The following PLCB1 variants were observed in gnomAD, a reference collection of about 807,000 sequenced individuals.
PLCB1 encodes 1-phosphatidylinositol 4,5-bisphosphate phosphodiesterase beta-1.
PLCB1 carries 46 observed loss-of-function variants against 161.8 expected under a neutral mutation model. The ratio of observed to expected loss-of-function variants is 0.28; its 90% CI spans 0.22 to 0.36. The LOEUF is 0.36. Among genes scored for constraint, PLCB1 ranks in the 10% least tolerant of loss-of-function variants. The pLI is 1.00. For synonymous variants in PLCB1, 517 were observed against 503.7 expected, an observed-to-expected ratio of 1.03 and a Z score of -0.35; for missense variants, 1,016 against 1,472.5, an observed-to-expected ratio of 0.69 and a Z score of 5.07.
chr20:8,161,592 A>C (rs555363604), intron 2 of PLCB1, among the ~76,000 whole-genome samples: 5 of 152,170 alleles, frequency 3.3e-5, no homozygotes, highest in Admixed American at 6.5e-5. Flanking sequence ...TTTTCCTTGG[A>C]TTTGTTTGAA....
chr20:8,684,244 ATTT>A (rs1990300298), intron 9 of PLCB1, among the ~76,000 whole-genome samples: 1 of 148,364 alleles, frequency 6.7e-6, no homozygotes, highest in African/African-American at 2.5e-5. Context: ...TTATTTATTT[ATTT>A]ATTTATTTAT....
At chr20:8,198,515 C>G (rs6055633) in intron 2 of PLCB1, among the ~76,000 whole-genome samples, 3,864 of 152,198 alleles carry the variant, frequency 0.025, 183 homozygotes, top group African/African-American at 0.088. Context: ...TACCTAGTAT[C>G]TTCTTCTGCT....
chr20:8,803,284 C>T (rs1416145497), intron 31 of PLCB1, among the ~76,000 whole-genome samples: 1 of 151,958 alleles, frequency 6.6e-6, no homozygotes, highest in Non-Finnish European at 1.5e-5. Flanking sequence ...GTTGATGCTG[C>T]CACAGTTCCA....
intron 31 of PLCB1, among the ~76,000 whole-genome samples, chr20:8,864,347 C>T (rs1319678866): frequency 6.6e-6 from 1 of 152,154 alleles, no homozygotes; most frequent in African/African-American, 2.4e-5. Flanking sequence ...ATAATTTTCC[C>T]ATGTATATTG....
intron 31 of PLCB1, among the ~76,000 whole-genome samples, chr20:8,821,832 G>C (rs946465197): frequency 6.6e-6 from 1 of 151,480 alleles, no homozygotes; most frequent in Non-Finnish European, 1.5e-5. Context: ...CTCTCCACCC[G>C]CCCCCTCGCA....
intron 3 of PLCB1, among the ~76,000 whole-genome samples, chr20:8,588,536 A>C (rs1376647579): frequency 6.6e-6 from 1 of 152,176 alleles, no homozygotes; most frequent in Non-Finnish European, 1.5e-5. Context: ...GCAGGACCCT[A>C]ATCCAATGAG....
chr20:8,440,035 A>G (rs1320968771), intron 3 of PLCB1, among the ~76,000 whole-genome samples: 2 of 152,196 alleles, frequency 1.3e-5, no homozygotes, highest in Non-Finnish European at 2.9e-5. Context: ...GGCTTCAAAG[A>G]ATGTTAAACA....
intron 2 of PLCB1, among the ~76,000 whole-genome samples, chr20:8,232,327 G>A (rs1980097132): frequency 6.6e-6 from 1 of 152,054 alleles, no homozygotes; most frequent in South Asian, 2.1e-4. Flanking sequence ...GCCATCATTA[G>A]CATCTTAAGA....
intron 3 of PLCB1, among the ~76,000 whole-genome samples, chr20:8,444,281 C>T (rs1183345142): frequency 6.6e-6 from 1 of 150,730 alleles, no homozygotes; most frequent in Non-Finnish European, 1.5e-5. Context: ...TGAGTGAGAA[C>T]ATGCAGTGTT....
intron 2 of PLCB1, among the ~76,000 whole-genome samples, chr20:8,194,286 A>G (rs1476258939): frequency 6.6e-6 from 1 of 152,034 alleles, no homozygotes; most frequent in African/African-American, 2.4e-5. Flanking sequence ...CTTTGGGTTG[A>G]TATAATTATG....
At chr20:8,296,824 T>A (rs1432209751) in intron 2 of PLCB1, among the ~76,000 whole-genome samples, 1 of 152,174 alleles carries the variant, frequency 6.6e-6, no homozygotes, top group African/African-American at 2.4e-5. Flanking sequence ...AAATGTACAA[T>A]GCTTTTCCAT....
intron 4 of PLCB1, among the ~76,000 whole-genome samples, chr20:8,638,442 A>G (rs1988836404): frequency 2.0e-5 from 3 of 152,222 alleles, no homozygotes; most frequent in Middle Eastern, 3.4e-3. Context: ...AGCCTCCTCA[A>G]TCAGAGCAGG....
At chr20:8,875,514 T>C (rs1368244823) in intron 31 of PLCB1, among the ~76,000 whole-genome samples, 1 of 147,688 alleles carries the variant, frequency 6.8e-6, no homozygotes, top group Non-Finnish European at 1.5e-5. Context: ...AATATTTTTA[T>C]ATATAAATAT....
intron 7 of PLCB1, among the ~76,000 whole-genome samples, chr20:8,650,995 T>A (rs1358208368): frequency 6.6e-6 from 1 of 152,206 alleles, no homozygotes; most frequent in Non-Finnish European, 1.5e-5. Flanking sequence ...CCACCTCAAA[T>A]AAAATAATTT....
chr20:8,667,193 A>G (rs1027729424), intron 9 of PLCB1, among the ~76,000 whole-genome samples: 3 of 152,210 alleles, frequency 2.0e-5, no homozygotes, highest in African/African-American at 7.2e-5. Flanking sequence ...TTCATGCCTT[A>G]ATTAAGTTAC....
chr20:8,394,835 T>C (rs1987716965), intron 3 of PLCB1, among the ~76,000 whole-genome samples: 1 of 152,180 alleles, frequency 6.6e-6, no homozygotes, highest in Non-Finnish European at 1.5e-5. Context: ...GGCTTCTATC[T>C]GGCAAAGTTT....
At chr20:8,584,492 A>G (rs1002646945) in intron 3 of PLCB1, among the ~76,000 whole-genome samples, 2 of 151,652 alleles carry the variant, frequency 1.3e-5, no homozygotes, top group Non-Finnish European at 2.9e-5. Flanking sequence ...AGACACACAC[A>G]CACACACACA....
chr20:8,715,211 T>C (rs1049687623), intron 12 of PLCB1, among the ~76,000 whole-genome samples: 1 of 152,242 alleles, frequency 6.6e-6, no homozygotes, highest in African/African-American at 2.4e-5. Context: ...TTTGTAATGA[T>C]ATTTAACATT....
chr20:8,772,051 T>G (rs896173653), intron 26 of PLCB1, among the ~76,000 whole-genome samples: 4 of 149,736 alleles, frequency 2.7e-5, no homozygotes, highest in African/African-American at 9.9e-5. Flanking sequence ...GGTTAATTTT[T>G]TTTTTTTTTT....
Sources: allele counts gnomAD v4.1 joint callset (sites outside exome capture counted in the v4.1 genomes callset), GRCh38; gene constraint gnomAD v4.1.1; transcripts MANE v1.5; gene names NCBI Gene and HGNC (gene_info 2026-07-23, HGNC 2026-07-21).